Variants in PRUNE2 observed in about 807,000 individuals in gnomAD.
PRUNE2 encodes prune homolog 2 with BCH domain.
A neutral mutation model predicts 252.0 loss-of-function variants in PRUNE2; 164 were observed. That is an observed-to-expected ratio of 0.65 (90% CI 0.57 to 0.74). The LOEUF is 0.74. PRUNE2 is among the 30% of genes least tolerant of loss of function. PRUNE2 has a pLI of 0.00. For missense variants in PRUNE2, 3,495 were observed against 3,711.0 expected (o/e 0.94, Z 1.51); for synonymous variants, 1,292 against 1,350.2 (o/e 0.96, Z 0.94).
intron 1 of PRUNE2, chr9:76,862,754 GTA>G (rs1264508841): frequency 1.1e-4 from 16 of 152,152 alleles, no homozygotes; most frequent in African/African-American, 3.6e-4. Context: ...TATATTAAAT[GTA>G]TTCCTTCTCA....
intron 6 of PRUNE2, among the ~76,000 whole-genome samples, chr9:76,717,655 G>A (rs1010376760): frequency 5.9e-5 from 9 of 151,860 alleles, no homozygotes; most frequent in African/African-American, 2.2e-4. Context: ...GACAATAAAA[G>A]CACTTCCTGT....
At chr9:76,694,784 T>C (rs2045220493) in intron 9 of PRUNE2, among the ~76,000 whole-genome samples, 1 of 152,210 alleles carries the variant, frequency 6.6e-6, no homozygotes, top group South Asian at 2.1e-4. Flanking sequence ...TAAATAAGAA[T>C]TACTGCTTAA....
At chr9:76,852,288 T>C (rs1361856) in intron 2 of PRUNE2, among the ~76,000 whole-genome samples, 38,058 of 152,218 alleles carry the variant, frequency 0.25, 5,264 homozygotes, top group African/African-American at 0.38. Context: ...GCAAGTTATT[T>C]TTCCTAATGA....
intron 1 of PRUNE2, among the ~76,000 whole-genome samples, chr9:76,886,703 C>T (rs547989321): frequency 3.9e-4 from 59 of 152,236 alleles, no homozygotes; most frequent in African/African-American, 1.3e-3. Context: ...ATGACTGAAG[C>T]GGGTGAACAC....
intron 1 of PRUNE2, among the ~76,000 whole-genome samples, chr9:76,883,639 G>A (rs772068290): frequency 1.9e-4 from 29 of 152,186 alleles, no homozygotes; most frequent in Non-Finnish European, 3.7e-4. Flanking sequence ...GTAATGAGAG[G>A]AATTTCAGAC....
intron 9 of PRUNE2, among the ~76,000 whole-genome samples, chr9:76,659,970 G>A (rs1191816377): frequency 2.0e-5 from 3 of 151,936 alleles, no homozygotes; most frequent in Non-Finnish European, 4.4e-5. Context: ...CTAAAAGAGA[G>A]ATGTTAGGAA....
chr9:76,852,051 T>C (rs563959398), intron 2 of PRUNE2, among the ~76,000 whole-genome samples: 1 of 152,330 alleles, frequency 6.6e-6, no homozygotes, highest in South Asian at 2.1e-4. Context: ...CTTTCTAGCA[T>C]TAAGAAGGCA....
intron 1 of PRUNE2, among the ~76,000 whole-genome samples, chr9:76,891,454 C>T (rs1364972889): frequency 6.6e-6 from 1 of 152,218 alleles, no homozygotes; most frequent in Non-Finnish European, 1.5e-5. Flanking sequence ...ACAGGTGACA[C>T]TTAGTCTCCA....
intron 6 of PRUNE2, among the ~76,000 whole-genome samples, chr9:76,814,886 A>G (rs2057585317): frequency 6.6e-6 from 1 of 152,220 alleles, no homozygotes; most frequent in Admixed American, 6.5e-5. Flanking sequence ...ACTACGAGTC[A>G]ACCGTATTTG....
chr9:76,732,277 A>G (rs2048690271), intron 6 of PRUNE2, among the ~76,000 whole-genome samples: 1 of 152,258 alleles, frequency 6.6e-6, no homozygotes, highest in Non-Finnish European at 1.5e-5. Flanking sequence ...ACTGCACTCC[A>G]GCCTGGGGGG....
At chr9:76,784,923 T>C (rs1277227343) in intron 6 of PRUNE2, 1 of 152,256 alleles carries the variant, frequency 6.6e-6, no homozygotes, top group Non-Finnish European at 1.5e-5. Context: ...AACTTTTTTT[T>C]TTAACCTGGA....
At chr9:76,698,235 C>T (rs372583520) in intron 9 of PRUNE2, among the ~76,000 whole-genome samples, 2 of 151,164 alleles carry the variant, frequency 1.3e-5, no homozygotes, top group African/African-American at 4.9e-5. Flanking sequence ...TTAGTACAGA[C>T]GGGGTTTTGC....
At chr9:76,848,899 C>G (rs914977320) in intron 3 of PRUNE2, among the ~76,000 whole-genome samples, 2 of 152,020 alleles carry the variant, frequency 1.3e-5, no homozygotes, top group African/African-American at 4.8e-5. Flanking sequence ...GTTGTTTGTT[C>G]TGTTTTGTTT....
intron 6 of PRUNE2, among the ~76,000 whole-genome samples, chr9:76,793,983 G>A (rs1345139797): frequency 2.0e-5 from 3 of 152,144 alleles, no homozygotes; most frequent in African/African-American, 7.2e-5. Context: ...AAGGGCTTGG[G>A]CAACCACAGA....
At chr9:76,655,102 G>A (rs1848706838) in intron 10 of PRUNE2, among the ~76,000 whole-genome samples, 1 of 152,110 alleles carries the variant, frequency 6.6e-6, no homozygotes. Flanking sequence ...ACAATTATGT[G>A]TAAATGCGGA....
At chr9:76,728,581 T>G (rs1414518887) in intron 6 of PRUNE2, among the ~76,000 whole-genome samples, 2 of 152,280 alleles carry the variant, frequency 1.3e-5, no homozygotes, top group East Asian at 3.8e-4. Context: ...AGTCATTGAC[T>G]GAACTTTGAT....
chr9:76,889,843 C>CACT (rs1469774888), intron 1 of PRUNE2, among the ~76,000 whole-genome samples: 1 of 152,150 alleles, frequency 6.6e-6, no homozygotes, highest in Non-Finnish European at 1.5e-5. Context: ...TCTGGACACT[C>CACT]ACTACTCAGA....
chr9:76,768,361 T>C (rs2052665243), intron 6 of PRUNE2, among the ~76,000 whole-genome samples: 1 of 151,952 alleles, frequency 6.6e-6, no homozygotes, highest in African/African-American at 2.4e-5. Flanking sequence ...CCCAGTTAAT[T>C]TTTGTATTTT....
intron 4 of PRUNE2, among the ~76,000 whole-genome samples, chr9:76,845,976 C>A (rs940121246): frequency 6.6e-6 from 1 of 152,092 alleles, no homozygotes; most frequent in Non-Finnish European, 1.5e-5. Flanking sequence ...GTTCAGGACC[C>A]CAGGGCTTGA....
Sources: gnomAD v4.1 joint callset for allele counts (sites outside exome capture counted in the v4.1 genomes callset) on GRCh38, gnomAD v4.1.1 for gene constraint, MANE v1.5 for transcripts, NCBI Gene and HGNC (gene_info 2026-07-23, HGNC 2026-07-21) for gene names.